SRCAP: variants seen among roughly 807,000 people sequenced by gnomAD.
SRCAP encodes Snf2 related CREBBP activator protein.
A neutral mutation model predicts 263.1 loss-of-function variants in SRCAP; 46 were observed. That is an observed-to-expected ratio of 0.17 (90% CI 0.14 to 0.22). The LOEUF (loss-of-function observed/expected upper bound fraction) is 0.22, where lower values mean the gene tolerates loss of function less well. SRCAP is among the 10% of genes least tolerant of loss of function. SRCAP has a pLI of 1.00. For synonymous variants in SRCAP, 1,813 were observed against 1,662.1 expected (o/e 1.09, Z -2.21); for missense variants, 3,695 against 4,181.9 (o/e 0.88, Z 3.21).
rs751520572 is a variant in SRCAP, at chr16:30,722,971, A to G, written c.3901A>G (p.Thr1301Ala). 1.9e-6 allele frequency: 3 copies of G among 1,606,716 alleles called. No individual in the cohort carries two copies. Among genetic ancestry groups the G allele is most frequent in the Non-Finnish European group, 1.7e-6 (2 of 1,174,244 alleles). The change falls in exon 24 of 34, where the codon ACC becomes GCC. Residue 1301 changes from threonine to alanine, a missense_variant. Thr to Ala is a moderately conservative substitution (Grantham distance 58). This residue lies in a region of SRCAP where 1,347 missense variants were observed against 1,304.4 expected (regional missense o/e 1.03). Coordinates refer to ENST00000262518, the MANE Select transcript of SRCAP (RefSeq NM_006662.3). ...GTAGCTTCCTCTTGCAGTGCCACCA[A>G]CCATGGTGAATAATACAGGCGTGGT... ...LPLAANQVPP[T>A]MVNNTGVVKI...
intron 16 of SRCAP, among the ~76,000 whole-genome samples, chr16:30,714,400 G>A (rs1388864208): frequency 2.0e-5 from 3 of 151,664 alleles, no homozygotes; most frequent in Non-Finnish European, 2.9e-5. Context: ...TAGTAGAGTC[G>A]GAGTTTCACC....
At position 30,733,968 on chromosome 16, in the gene SRCAP, C is replaced by A; in HGVS notation, c.6569C>A (p.Ala2190Asp). Residue 2190 changes from alanine to aspartate, a missense_variant, in exon 30 of 34, where the codon GCC (alanine) becomes GAC (aspartate). Transcript: ENST00000262518. This position sits in a 1 kb window ranked among gnomAD's most constrained non-coding sequence, Gnocchi z 5.3. ...ANQKRMLGDM[A>D]IEGGNFTTAY... ...CAGAAGAGAATGTTGGGGGACATGG[C>A]CATTGAGGGAGGCAACTTCACCACA... 6.2e-7 allele frequency: 1 copy of A among 1,612,950 alleles called. No individual in the cohort carries two copies. Among genetic ancestry groups the A allele is most frequent in the Non-Finnish European group, 8.5e-7 (1 of 1,179,438 alleles).
At chr16:30,717,454 T>G (rs1362113086) in intron 18 of SRCAP, among the ~76,000 whole-genome samples, 2 of 148,414 alleles carry the variant, frequency 1.3e-5, no homozygotes, top group African/African-American at 2.5e-5. Flanking sequence ...TTTTTGGTGG[T>G]TTTTTTTTTC....
chr16:30,709,105 C>T (rs2052859141), intron 6 of SRCAP, among the ~76,000 whole-genome samples: 1 of 152,204 alleles, frequency 6.6e-6, no homozygotes, highest in East Asian at 1.9e-4. Flanking sequence ...AGGCATGAGC[C>T]ACTGTGCCTG....
rs748128102 is a variant in SRCAP at position 30,724,823 on chromosome 16, C to T, written c.5399C>T (p.Pro1800Leu). The change falls in exon 25 of 34, where the codon CCG (proline) becomes CTG (leucine). Residue 1800 changes from proline to leucine, a missense_variant. By Grantham distance (98) the Pro-to-Leu change is moderately conservative (BLOSUM62 -3). Transcript: ENST00000262518. ...LSPAPVPTLGPAAAQTLALAP... is the reference protein window; with the variant it reads ...LSPAPVPTLGLAAAQTLALAP... ...CCTGCCCCAGTTCCTACCCTGGGCCCGGCCGCAGCTCAGACCTTGGCGCTG... is the reference window on the plus strand; with the variant it reads ...CCTGCCCCAGTTCCTACCCTGGGCCTGGCCGCAGCTCAGACCTTGGCGCTG... 2.0e-5 allele frequency: 33 copies of T among 1,613,774 alleles called. No individual in the cohort carries two copies. The highest frequency in any genetic ancestry group is 4.5e-5 in the East Asian group (2 of 44,892).
At chr16:30,713,757 C>A (rs765783542) in intron 16 of SRCAP, 46 bp downstream of exon 16, 10 of 1,584,864 alleles carry the variant, frequency 6.3e-6, no homozygotes, top group Admixed American at 3.4e-5. Context: ...TGGTAAGGAA[C>A]CATTCCTGAG....
At chr16:30,708,038 T>A (rs1409709952) in intron 6 of SRCAP, among the ~76,000 whole-genome samples, 1 of 152,232 alleles carries the variant, frequency 6.6e-6, no homozygotes, top group Non-Finnish European at 1.5e-5. Flanking sequence ...TAATTATTTC[T>A]TAAGTACTAC....
In SRCAP at chr16:30,737,009, C is replaced by T. The variant is rs778784680; in HGVS notation, c.7009-40C>T. ...TAATTTCTACTCACTCTCTACTCTG[C>T]TTGCCTCCTCCTGACCACTTTTGGA... On this transcript the variant is annotated intron_variant, in intron 33 of 33. Transcript: ENST00000262518. 7 of 1,538,572 alleles carry T rather than the reference C, an allele frequency of 4.5e-6. No individual in the cohort carries two copies. In the South Asian group the frequency reaches 8.9e-5, roughly 20 times the overall value.
In SRCAP at chr16:30,725,056, C is replaced by G. The variant is rs2053050933; in HGVS notation, c.5632C>G (p.Pro1878Ala). 6.2e-7 allele frequency: 1 copy of G among 1,612,576 alleles called. No homozygotes were observed. The highest frequency in any genetic ancestry group is 8.5e-7 in the Non-Finnish European group (1 of 1,178,974). Residue 1878 changes from proline (P) to alanine (A), a missense_variant, in exon 25 of 34, where the codon CCA becomes GCA. Coordinates refer to ENST00000262518, the MANE Select transcript of SRCAP (RefSeq NM_006662.3). Reference protein sequence around the residue: ...GGPRPRRQPPPPPRSPFYLDS... With the variant: ...GGPRPRRQPPAPPRSPFYLDS... Reference sequence around the variant, plus strand: ...CCCCCGGCCTCGACGCCAGCCCCCCCCACCACCTCGTTCCCCTTTTTATCT... The same window carrying G: ...CCCCCGGCCTCGACGCCAGCCCCCCGCACCACCTCGTTCCCCTTTTTATCT...
chr16:30,699,526 C>T (rs2052741882), intron 1 of SRCAP, among the ~76,000 whole-genome samples: 12 of 152,188 alleles, frequency 7.9e-5, no homozygotes, highest in Admixed American at 7.2e-4. Context: ...TGTGACCAGC[C>T]TGTTTGTTGA....
rs757087175 is a variant in SRCAP at position 30,738,000 on chromosome 16, C to T, written c.7960C>T (p.Leu2654Phe). The part of the protein sequence containing the change: ...LCVSESNGLE[L>F]PPSAASDEPL... ...TGTGAGTGAGAGCAATGGCCTGGAG[C>T]TCCCACCCTCAGCAGCATCTGATGA... Residue 2654 changes from leucine to phenylalanine, a missense_variant, in exon 34 of 34, where the codon CTC becomes TTC. This residue lies in a region of SRCAP where 1,207 missense variants were observed against 1,142.9 expected (regional missense o/e 1.06). Coordinates refer to ENST00000262518, the MANE Select transcript of SRCAP (RefSeq NM_006662.3). 1 of 1,614,112 alleles carries T rather than the reference C, an allele frequency of 6.2e-7. No individual in the cohort carries two copies.
intron 33 of SRCAP, 151 bp downstream of exon 33, chr16:30,736,775 C>A: frequency 1.1e-6 from 1 of 873,348 alleles, no homozygotes; most frequent in Non-Finnish European, 1.7e-6. Flanking sequence ...CGGGTTCAAG[C>A]AGTTCTCCTG....
At chr16:30,731,485 A>G (rs2053114145) in intron 27 of SRCAP, among the ~76,000 whole-genome samples, 1 of 152,166 alleles carries the variant, frequency 6.6e-6, no homozygotes, top group Non-Finnish European at 1.5e-5. Context: ...ATTTTTATTA[A>G]TATGTGTTCA....
In SRCAP at chr16:30,720,935, C is replaced by G; in HGVS notation, c.3210C>G (p.Val1070=). ...LIPASRPPGP[V]LLPPLQPNSG... ...CTGCATCTCGGCCTCCTGGCCCTGTCCTCTTGCCTCCACTGCAGCCCAACA... is the reference window on the plus strand; with the variant it reads ...CTGCATCTCGGCCTCCTGGCCCTGTGCTCTTGCCTCCACTGCAGCCCAACA... The change falls in exon 20 of 34, where the codon GTC becomes GTG. Residue 1070 remains valine (V), a synonymous_variant. Coordinates refer to ENST00000262518, the MANE Select transcript of SRCAP (RefSeq NM_006662.3). The G allele has an allele frequency of 1.2e-6, 2 of 1,613,268 alleles. No individual in the cohort carries two copies. The highest frequency in any genetic ancestry group is 1.7e-6 in the Non-Finnish European group (2 of 1,179,530).
rs1257274216 is a variant in SRCAP at position 30,739,936 on chromosome 16, C to T, written c.*203C>T. On this transcript the variant is annotated 3_prime_UTR_variant, in exon 34 of 34. Coordinates refer to ENST00000262518, the MANE Select transcript of SRCAP (RefSeq NM_006662.3). ...TCATCACAGTCCCCTTCCCCTTCACCCCACGTGGCTGGGCAGTGTTAAGGG... is the reference window on the plus strand; with the variant it reads ...TCATCACAGTCCCCTTCCCCTTCACTCCACGTGGCTGGGCAGTGTTAAGGG... The T allele has an allele frequency of 1.0e-5, 8 of 795,426 alleles. No individual in the cohort carries two copies. The highest frequency in any genetic ancestry group is 1.8e-5 in the African/African-American group (1 of 56,208). 49.3% of individuals were successfully genotyped at this position (795,426 alleles called of 1,614,324 possible).
At position 30,723,189 on chromosome 16, in the gene SRCAP, T is replaced by A; in HGVS notation, c.4119T>A (p.Pro1373=). ...APMPTPTLVR[P]LLKLVHSPSP... Reference sequence around the variant, plus strand: ...TGCCCACACCCACTCTGGTGAGGCCTCTTCTCAAGCTGGTCCACAGTCCTT... The same window carrying A: ...TGCCCACACCCACTCTGGTGAGGCCACTTCTCAAGCTGGTCCACAGTCCTT... Residue 1373 remains proline (P), a synonymous_variant, in exon 24 of 34, where the codon CCT becomes CCA. Transcript: ENST00000262518. 1 of 1,613,884 alleles carries A rather than the reference T, an allele frequency of 6.2e-7. No homozygotes were observed. The highest frequency in any genetic ancestry group is 8.5e-7 in the Non-Finnish European group (1 of 1,179,848).
rs1248844776 is a variant in SRCAP, at chr16:30,723,123, C to T, written c.4053C>T (p.Gly1351=). The T allele has an allele frequency of 1.2e-6, 2 of 1,614,114 alleles. No individual in the cohort carries two copies. The highest frequency in any genetic ancestry group is 1.7e-6 in the Non-Finnish European group (2 of 1,180,020). The change falls in exon 24 of 34, where the codon GGC becomes GGT. Residue 1351 remains glycine, a synonymous_variant. Transcript: ENST00000262518. ...ATCCACGCCCCACGTTAACCCCTGGCCGGCTACCCACACCTACTCTGGGTA... is the reference window on the plus strand; with the variant it reads ...ATCCACGCCCCACGTTAACCCCTGGTCGGCTACCCACACCTACTCTGGGTA... ...VLNPRPTLTP[G]RLPTPTLGTA...
chr16:30,713,287 G>A lies in SRCAP; in HGVS notation c.2210G>A (p.Arg737His), dbSNP rs1203721242. 2 of 1,613,926 alleles carry A rather than the reference G, an allele frequency of 1.2e-6. No individual in the cohort carries two copies. The highest frequency in any genetic ancestry group is 8.5e-7 in the Non-Finnish European group (1 of 1,180,036). Residue 737 changes from arginine to histidine, a missense_variant, in exon 15 of 34, where the codon CGC (arginine) becomes CAC (histidine). Around this residue, in one of 12 missense-constraint regions of SRCAP, gnomAD observed 121 missense variants for 330.7 expected, o/e 0.37. Transcript: ENST00000262518. ...LVLQDHQAFR[R>H]KNWRYLILDE... is the part of the protein sequence containing the mutation. Reference sequence around the variant, plus strand: ...CTGCAGGACCACCAGGCCTTCCGTCGCAAGAACTGGCGCTATCTCATTCTG... The same window carrying A: ...CTGCAGGACCACCAGGCCTTCCGTCACAAGAACTGGCGCTATCTCATTCTG...
chr16:30,734,659 C>G, intron 31 of SRCAP, 44 bp downstream of exon 31: 2 of 1,612,596 alleles, frequency 1.2e-6, no homozygotes, highest in Non-Finnish European at 8.5e-7. Flanking sequence ...CTGATTCTTA[C>G]AGAATATCTT....
Sources: gnomAD v4.1 joint callset for allele counts (sites outside exome capture counted in the v4.1 genomes callset) on GRCh38, gnomAD v4.1.1 for gene constraint, gnomAD v4.1.1 regional missense constraint, Gnocchi (gnomAD v3.1) non-coding constraint, MANE v1.5 for transcripts, NCBI Gene and HGNC (gene_info 2026-07-23, HGNC 2026-07-21) for gene names.